Variants in REV3L observed in about 807,000 individuals in gnomAD.
REV3L encodes the protein REV3 like, DNA directed polymerase zeta catalytic subunit.
In REV3L, 69 loss-of-function variants were observed where a neutral mutation model predicts 299.4. That is an observed-to-expected ratio of 0.23 (90% CI 0.19 to 0.28). The LOEUF (loss-of-function observed/expected upper bound fraction) is 0.28. Ranked by LOEUF, REV3L falls within the 10% of genes least tolerant of loss-of-function variation. The pLI is 1.00. For synonymous variants in REV3L, 1,238 were observed against 1,271.4 expected (o/e 0.97, Z 0.56); for missense variants, 3,128 against 3,693.8 (o/e 0.85, Z 3.97).
intron 1 of REV3L, among the ~76,000 whole-genome samples, chr6:111,465,545 C>A (rs1215383758): frequency 1.3e-5 from 2 of 151,212 alleles, no homozygotes; most frequent in African/African-American, 2.4e-5. Flanking sequence ...ACAAGCCAGA[C>A]CAACATGGTG....
chr6:111,469,387 C>T (rs9374261), intron 1 of REV3L, among the ~76,000 whole-genome samples: 1 of 152,148 alleles, frequency 6.6e-6, no homozygotes, highest in Non-Finnish European at 1.5e-5. Context: ...GAATAAATTG[C>T]TTACATAAAC....
Position 111,376,388 on chromosome 6 carries a change from T to C in REV3L, c.1967A>G (p.Glu656Gly). Residue 656 changes from glutamate (E) to glycine (G), a missense_variant, in exon 13 of 32, where the codon GAA becomes GGA. Physicochemically the swap from Glu to Gly is moderately conservative, Grantham distance 98. This residue lies in a region of REV3L where 2,409 missense variants were observed against 2,611.8 expected (regional missense o/e 0.92). Coordinates refer to ENST00000368802, the MANE Select transcript of REV3L (RefSeq NM_001372078.1). The part of the protein sequence containing the change: ...KKEILPVSSC[E>G]SSIFDYEEDI... ...TTCTTCATAATCAAAAATACTACTT[T>C]CACAGGAAGATACTGGGAGGATCTC... 6.2e-7 allele frequency: 1 copy of C among 1,613,260 alleles called. No individual in the cohort carries two copies. Among genetic ancestry groups the C allele is most frequent in the Non-Finnish European group, 8.5e-7 (1 of 1,179,724 alleles).
intron 1 of REV3L, among the ~76,000 whole-genome samples, chr6:111,447,532 T>C (rs1051392269): frequency 6.6e-6 from 1 of 152,174 alleles, no homozygotes; most frequent in African/African-American, 2.4e-5. Context: ...TGTTAACCTT[T>C]TCACATTAAA....
intron 1 of REV3L, among the ~76,000 whole-genome samples, chr6:111,464,574 CTT>C (rs1244073807): frequency 1.3e-5 from 2 of 151,864 alleles, no homozygotes; most frequent in African/African-American, 2.4e-5. Flanking sequence ...AAAAGACAGA[CTT>C]ATATGCAGTC....
intron 29 of REV3L, chr6:111,310,829 G>C (rs558068725): frequency 5.3e-6 from 2 of 380,914 alleles, no homozygotes; most frequent in African/African-American, 4.1e-5. Flanking sequence ...AAAAACAAAT[G>C]AATCAAGGAC....
chr6:111,378,408 C>G (rs1780516177), intron 11 of REV3L, among the ~76,000 whole-genome samples: 1 of 152,068 alleles, frequency 6.6e-6, no homozygotes, highest in Admixed American at 6.5e-5. Flanking sequence ...TTTCACTAAT[C>G]TCAACAATTT....
At chr6:111,389,732 T>A (rs903540050) in intron 6 of REV3L, among the ~76,000 whole-genome samples, 1 of 101,218 alleles carries the variant, frequency 9.9e-6, no homozygotes, top group Non-Finnish European at 2.4e-5. Flanking sequence ...CATTAATTTT[T>A]TTTTTTTTTT....
chr6:111,387,721 T>C (rs762775055), intron 9 of REV3L, 44 bp downstream of exon 9: 4 of 1,549,360 alleles, frequency 2.6e-6, no homozygotes, highest in Non-Finnish European at 3.6e-6. Context: ...CAGTGCTAGA[T>C]ATCTGTTCTA....
At chr6:111,377,995 T>A (rs1361871104) in intron 11 of REV3L, 152 bp from the exon 12 acceptor site, 3 of 596,262 alleles carry the variant, frequency 5.0e-6, no homozygotes, top group Non-Finnish European at 7.9e-6. Context: ...ATACAAAAAA[T>A]CTGAAAATTG....
At chr6:111,474,128 T>C (rs972471190) in intron 1 of REV3L, among the ~76,000 whole-genome samples, 4 of 152,238 alleles carry the variant, frequency 2.6e-5, no homozygotes, top group Non-Finnish European at 5.9e-5. Context: ...TTTTGACACA[T>C]GTAATGCTGA....
chr6:111,336,152 A>G (rs1184847572), intron 21 of REV3L, among the ~76,000 whole-genome samples: 1 of 152,022 alleles, frequency 6.6e-6, no homozygotes, highest in African/African-American at 2.4e-5. Context: ...TATTTCAATA[A>G]GTATTTTTTG....
In REV3L at chr6:111,374,060, A is replaced by G. The variant is rs772283704; in HGVS notation, c.4295T>C (p.Ile1432Thr). Reference protein sequence around the residue: ...CKDSQQQIVCIAEQSKHSETC... With the variant: ...CKDSQQQIVCTAEQSKHSETC... ...TTCACTGTGCTTTGACTGTTCCGCT[A>G]TGCACACAATCTGCTGCTGACTGTC... The change falls in exon 13 of 32, where the codon ATA (isoleucine) becomes ACA (threonine). Residue 1432 changes from isoleucine to threonine, a missense_variant. Ile to Thr is a moderately conservative substitution (Grantham distance 89). Around this residue, in one of 9 missense-constraint regions of REV3L, gnomAD observed 2,409 missense variants for 2,611.8 expected, o/e 0.92. Coordinates refer to ENST00000368802, the MANE Select transcript of REV3L (RefSeq NM_001372078.1). 9 of 1,614,002 alleles carry G rather than the reference A, an allele frequency of 5.6e-6. No individual in the cohort carries two copies. Among genetic ancestry groups the G allele is most frequent in the Non-Finnish European group, 7.6e-6 (9 of 1,180,000 alleles).
intron 16 of REV3L, chr6:111,361,647 G>C (rs960938367): frequency 1.3e-5 from 2 of 151,998 alleles, no homozygotes; most frequent in African/African-American, 4.8e-5. Context: ...GAGAGATTTA[G>C]TGAGTGTGAC....
At chr6:111,422,424 C>T (rs1050240154) in intron 1 of REV3L, among the ~76,000 whole-genome samples, 2 of 151,476 alleles carry the variant, frequency 1.3e-5, no homozygotes, top group African/African-American at 2.4e-5. Flanking sequence ...ACCTCAGCAA[C>T]AGAAGATGTT....
At chr6:111,379,890 T>C in intron 11 of REV3L, 92 bp downstream of exon 11, 1 of 824,450 alleles carries the variant, frequency 1.2e-6, no homozygotes, top group African/African-American at 1.7e-5. Flanking sequence ...CATAAGGTAT[T>C]TTATATCATG....
chr6:111,376,333 T>C lies in REV3L; in HGVS notation c.2022A>G (p.Pro674=). The change falls in exon 13 of 32, where the codon CCA becomes CCG. Residue 674 remains proline, a synonymous_variant. Coordinates refer to ENST00000368802, the MANE Select transcript of REV3L (RefSeq NM_001372078.1). ...TTCTAATGTTTGTATATTTTCTACTTGGTACTTGTCTTGTAACAGATGGAA... is the reference window on the plus strand; with the variant it reads ...TTCTAATGTTTGTATATTTTCTACTCGGTACTTGTCTTGTAACAGATGGAA... The part of the protein sequence containing the change: ...EDIPSVTRQV[P]SRKYTNIRKI... 1 of 1,613,178 alleles carries C rather than the reference T, an allele frequency of 6.2e-7. No homozygotes were observed. Among genetic ancestry groups the C allele is most frequent in the Non-Finnish European group, 8.5e-7 (1 of 1,179,662 alleles).
In REV3L at chr6:111,358,915, A is replaced by T; in HGVS notation, c.6979T>A (p.Cys2327Ser). 6.2e-7 allele frequency: 1 copy of T among 1,614,154 alleles called. No homozygotes were observed. The highest frequency in any genetic ancestry group is 8.5e-7 in the Non-Finnish European group (1 of 1,179,988). ...GGCAGTGGAGTGTCAGATGAGATGC[A>T]GTAGAACAGAGCACAGATTGGGTCA... Reference protein sequence around the residue: ...EFDPICALFYCISSDTPLPDT... With the variant: ...EFDPICALFYSISSDTPLPDT... The change falls in exon 17 of 32, where the codon TGC becomes AGC. Residue 2327 changes from cysteine to serine, a missense_variant. Coordinates refer to ENST00000368802, the MANE Select transcript of REV3L (RefSeq NM_001372078.1).
chr6:111,369,576 G>A (rs749107070), intron 13 of REV3L, among the ~76,000 whole-genome samples: 4 of 152,004 alleles, frequency 2.6e-5, no homozygotes, highest in African/African-American at 2.4e-5. Flanking sequence ...TATACATGAT[G>A]CAACATATGC....
rs1779913520 is a variant in REV3L at position 111,372,644 on chromosome 6, T to G, written c.5711A>C (p.Tyr1904Ser). The G allele has an allele frequency of 6.6e-7, 1 of 1,523,478 alleles. No homozygotes were observed. The highest frequency in any genetic ancestry group is 2.2e-5 in the Admixed American group (1 of 45,118). The allele number at this position is 1,523,478 out of a possible 1,614,324, so 94.4% of individuals were successfully genotyped here. A position where few individuals can be genotyped will look rare whatever the true frequency, so the allele number is the denominator to read the frequency against. Residue 1904 changes from tyrosine to serine, a missense_variant, in exon 13 of 32, where the codon TAC (tyrosine) becomes TCC (serine). Tyr to Ser is a moderately radical substitution (Grantham distance 144, BLOSUM62 -2). This residue lies in a region of REV3L where 2,409 missense variants were observed against 2,611.8 expected (regional missense o/e 0.92). Transcript: ENST00000368802. ...LLDHDLSETI[Y>S]QEPFCSNPSD... is the part of the protein sequence containing the mutation. Reference sequence around the variant, plus strand: ...AGGATTACTGCAAAATGGTTCCTGGTAAATAGTCTCAGACAGGTCATGATC... The same window carrying G: ...AGGATTACTGCAAAATGGTTCCTGGGAAATAGTCTCAGACAGGTCATGATC...
Sources: allele counts gnomAD v4.1 joint callset (sites outside exome capture counted in the v4.1 genomes callset), GRCh38; gene constraint gnomAD v4.1.1; regional missense constraint gnomAD v4.1.1; transcripts MANE v1.5; gene names NCBI Gene and HGNC (gene_info 2026-07-23, HGNC 2026-07-21).